PIAS2: variants seen among roughly 807,000 people sequenced by gnomAD.
PIAS2 encodes the protein protein inhibitor of activated STAT 2, also known as E3 SUMO-protein ligase PIAS2.
In PIAS2, 19 loss-of-function variants were observed where a neutral mutation model predicts 69.7. The observed-to-expected ratio is 0.27, with a 90% CI of 0.19 to 0.40. The LOEUF (loss-of-function observed/expected upper bound fraction) is 0.40. Ranked by LOEUF, PIAS2 falls within the 10% of genes least tolerant of loss-of-function variation. The pLI is 1.00. For missense variants in PIAS2, 624 were observed against 757.0 expected (o/e 0.82, Z 2.06); for synonymous variants, 261 against 263.2 (o/e 0.99, Z 0.08).
At chr18:46,891,380 CAATG>C (rs1280336651) in intron 1 of PIAS2, 1 of 326,104 alleles carries the variant, frequency 3.1e-6, no homozygotes, top group Non-Finnish European at 5.8e-6. Context: ...AATCTATCAC[CAATG>C]AATATACTCC....
intron 9 of PIAS2, among the ~76,000 whole-genome samples, chr18:46,832,630 C>T (rs1270205676): frequency 6.6e-6 from 1 of 152,022 alleles, no homozygotes; most frequent in Non-Finnish European, 1.5e-5. Context: ...GTGACTCATG[C>T]CTGTAATCCC....
At chr18:46,872,487 C>A (rs1446373920) in intron 2 of PIAS2, among the ~76,000 whole-genome samples, 1 of 152,126 alleles carries the variant, frequency 6.6e-6, no homozygotes, top group Middle Eastern at 3.2e-3. Flanking sequence ...TTTGTACCCC[C>A]AAAACACATA....
chr18:46,844,157 A>T (rs538215715), intron 7 of PIAS2, 30 bp from the exon 8 acceptor site: 432 of 1,167,704 alleles, frequency 3.7e-4, no homozygotes, highest in Non-Finnish European at 4.5e-4. Flanking sequence ...AAAAAAATTT[A>T]AAAAAATTAA....
intron 6 of PIAS2, among the ~76,000 whole-genome samples, chr18:46,846,227 A>G (rs1039069153): frequency 2.0e-5 from 3 of 152,196 alleles, no homozygotes; most frequent in African/African-American, 4.8e-5. Context: ...AGAAAATATT[A>G]TAATTCTAAG....
chr18:46,871,124 G>C (rs183924022), intron 2 of PIAS2, among the ~76,000 whole-genome samples: 2 of 152,344 alleles, frequency 1.3e-5, no homozygotes, highest in East Asian at 3.9e-4. Flanking sequence ...GTTATGAACA[G>C]TTGGCCAGAT....
upstream of PIAS2, chr18:46,917,640 G>C: frequency 3.7e-6 from 3 of 814,598 alleles, no homozygotes; most frequent in Non-Finnish European, 4.5e-6. Flanking sequence ...GCCTGCCCCG[G>C]CGTGCTGCCC....
intron 2 of PIAS2, among the ~76,000 whole-genome samples, chr18:46,865,493 T>C (rs2049302022): frequency 7.4e-6 from 1 of 134,900 alleles, no homozygotes; most frequent in African/African-American, 2.9e-5. Context: ...TGCGCTGAGA[T>C]CACACCAGTG....
At chr18:46,855,103 T>TTAA (rs1306461365) in intron 5 of PIAS2, among the ~76,000 whole-genome samples, 3 of 76,348 alleles carry the variant, frequency 3.9e-5, no homozygotes, top group Non-Finnish European at 6.9e-5. Context: ...CTTGTCTCTT[T>TTAA]AAAAAAAAAA....
intron 8 of PIAS2, among the ~76,000 whole-genome samples, chr18:46,837,286 G>A (rs1189503021): frequency 6.6e-6 from 1 of 151,444 alleles, no homozygotes; most frequent in Non-Finnish European, 1.5e-5. Flanking sequence ...TAAATTCTTC[G>A]GTCTCTGCCA....
intron 3 of PIAS2, among the ~76,000 whole-genome samples, chr18:46,857,245 T>C (rs1265496725): frequency 6.6e-6 from 1 of 152,182 alleles, no homozygotes; most frequent in Non-Finnish European, 1.5e-5. Flanking sequence ...TCAAGACACA[T>C]TTCATATTCT....
intron 12 of PIAS2, among the ~76,000 whole-genome samples, chr18:46,819,316 C>G (rs2041911425): frequency 6.6e-6 from 1 of 152,110 alleles, no homozygotes; most frequent in African/African-American, 2.4e-5. Flanking sequence ...GAATCCTCAC[C>G]TGTACCTTGG....
chr18:46,892,420 T>G (rs1253784397), intron 1 of PIAS2, among the ~76,000 whole-genome samples: 1 of 152,122 alleles, frequency 6.6e-6, no homozygotes, highest in African/African-American at 2.4e-5. Flanking sequence ...TCTAATTCAG[T>G]GCTGTCCAAC....
intron 1 of PIAS2, among the ~76,000 whole-genome samples, chr18:46,909,548 G>A (rs993324715): frequency 1.3e-5 from 2 of 152,092 alleles, no homozygotes; most frequent in Non-Finnish European, 2.9e-5. Context: ...ATGCCCAACC[G>A]ATAAAACCTT....
At chr18:46,857,504 G>T (rs1189752250) in intron 3 of PIAS2, among the ~76,000 whole-genome samples, 1 of 152,118 alleles carries the variant, frequency 6.6e-6, no homozygotes, top group Non-Finnish European at 1.5e-5. Flanking sequence ...CTGCTTAGTG[G>T]CTCCACTAGG....
At chr18:46,913,612 G>A (rs1407211736) in intron 1 of PIAS2, among the ~76,000 whole-genome samples, 2 of 151,686 alleles carry the variant, frequency 1.3e-5, no homozygotes, top group Admixed American at 1.3e-4. Context: ...CCCATTGAGT[G>A]ATGAGAAGTA....
chr18:46,909,285 G>T (rs995947482), intron 1 of PIAS2, among the ~76,000 whole-genome samples: 2 of 152,000 alleles, frequency 1.3e-5, no homozygotes, highest in Admixed American at 1.3e-4. Context: ...TTGAAACAGG[G>T]TCTCACTCTG....
At chr18:46,905,596 GAAAAA>G (rs2056491552) in intron 1 of PIAS2, among the ~76,000 whole-genome samples, 1 of 151,424 alleles carries the variant, frequency 6.6e-6, no homozygotes, top group South Asian at 2.1e-4. Context: ...AAATTATCAA[GAAAAA>G]AAGAAGGCAT....
chr18:46,899,993 G>T (rs2055546738), intron 1 of PIAS2, among the ~76,000 whole-genome samples: 1 of 152,150 alleles, frequency 6.6e-6, no homozygotes, highest in Non-Finnish European at 1.5e-5. Context: ...CATTTTGGGA[G>T]GCCAAGTGGG....
chr18:46,895,441 C>G (rs189171934), intron 1 of PIAS2, among the ~76,000 whole-genome samples: 4 of 152,222 alleles, frequency 2.6e-5, no homozygotes, highest in Admixed American at 2.0e-4. Flanking sequence ...GAGGCCAAAG[C>G]GGGCGGATCA....
Sources: allele counts gnomAD v4.1 joint callset (sites outside exome capture counted in the v4.1 genomes callset), GRCh38; gene constraint gnomAD v4.1.1; transcripts MANE v1.5; gene names NCBI Gene and HGNC (gene_info 2026-07-23, HGNC 2026-07-21).